DAB1: variants seen among roughly 807,000 people sequenced by gnomAD.
The protein encoded by DAB1 is DAB adaptor protein 1.
DAB1 carries 15 observed loss-of-function variants against 64.6 expected under a neutral mutation model. The ratio of observed to expected loss-of-function variants is 0.23; its 90% CI spans 0.16 to 0.36. The LOEUF (loss-of-function observed/expected upper bound fraction) is 0.36, where lower values mean the gene tolerates loss of function less well. Ranked by LOEUF, DAB1 falls within the 10% of genes least tolerant of loss-of-function variation. The probability of loss-of-function intolerance (pLI) is 1.00; values close to 1 mark genes in which losing one functional copy is unlikely to be tolerated. For missense variants in DAB1, 596 were observed against 706.7 expected (o/e 0.84, Z 1.78); for synonymous variants, 235 against 251.9 (o/e 0.93, Z 0.64).
chr1:57,043,283 A>T (rs938024056), intron 9 of DAB1, among the ~76,000 whole-genome samples: 2 of 152,160 alleles, frequency 1.3e-5, no homozygotes, highest in Non-Finnish European at 2.9e-5. Flanking sequence ...GATCTCCCCA[A>T]ACGTGTTCTT....
At chr1:57,175,520 A>T (rs1337773563) in intron 2 of DAB1, among the ~76,000 whole-genome samples, 2 of 152,128 alleles carry the variant, frequency 1.3e-5, no homozygotes, top group Admixed American at 6.6e-5. Context: ...AATTCAACCC[A>T]CTTCAAATAG....
intron 5 of DAB1, among the ~76,000 whole-genome samples, chr1:58,095,139 G>A (rs1435531164): frequency 2.0e-5 from 3 of 152,182 alleles, no homozygotes; most frequent in Admixed American, 6.5e-5. Flanking sequence ...GACATGGTCT[G>A]TTTTATTAAC....
chr1:57,932,542 C>T (rs1644968779), intron 5 of DAB1, among the ~76,000 whole-genome samples: 1 of 150,466 alleles, frequency 6.6e-6, no homozygotes. Context: ...GTATTAAAGG[C>T]TCCAATTACA....
chr1:58,091,120 G>C (rs1344074504), intron 5 of DAB1, among the ~76,000 whole-genome samples: 1 of 152,094 alleles, frequency 6.6e-6, no homozygotes, highest in Non-Finnish European at 1.5e-5. Flanking sequence ...AGCCCCCTCC[G>C]GCTCCCCTGC....
intron 7 of DAB1, among the ~76,000 whole-genome samples, chr1:57,507,032 C>T (rs1644351856): frequency 6.6e-6 from 1 of 152,194 alleles, no homozygotes; most frequent in African/African-American, 2.4e-5. Context: ...TGTCTTCCAT[C>T]CTTCCACTGG....
At chr1:57,188,636 T>G (rs1663831855) in intron 2 of DAB1, among the ~76,000 whole-genome samples, 1 of 108,038 alleles carries the variant, frequency 9.3e-6, no homozygotes, top group Non-Finnish European at 1.9e-5. Flanking sequence ...CCCAATGCTT[T>G]CCCAGCATAT....
chr1:57,129,538 A>G (rs1368516709), intron 4 of DAB1, among the ~76,000 whole-genome samples: 1 of 152,140 alleles, frequency 6.6e-6, no homozygotes, highest in Non-Finnish European at 1.5e-5. Context: ...AAGAAATGCA[A>G]AATTAAAAAA....
chr1:57,058,139 T>G (rs1389720147), intron 9 of DAB1, among the ~76,000 whole-genome samples: 1 of 152,146 alleles, frequency 6.6e-6, no homozygotes, highest in Non-Finnish European at 1.5e-5. Flanking sequence ...GGGGAGTGAA[T>G]GCAGGTGCGT....
intron 4 of DAB1, among the ~76,000 whole-genome samples, chr1:58,168,812 G>A (rs1656003969): frequency 6.6e-6 from 1 of 152,026 alleles, no homozygotes; most frequent in Admixed American, 6.6e-5. Context: ...TTCATTTTTG[G>A]GGCATAACAT....
chr1:58,200,500 C>A (rs1367362960), intron 4 of DAB1, among the ~76,000 whole-genome samples: 2 of 152,178 alleles, frequency 1.3e-5, no homozygotes, highest in Admixed American at 1.3e-4. Flanking sequence ...CAAGAATCTT[C>A]TTTACCTTAT....
chr1:57,296,089 G>A (rs2100682490), intron 1 of DAB1, among the ~76,000 whole-genome samples: 1 of 152,212 alleles, frequency 6.6e-6, no homozygotes, highest in South Asian at 2.1e-4. Flanking sequence ...AGTGTTATGA[G>A]CAAAGCAATT....
At chr1:58,543,953 G>A (rs939897862) in intron 1 of DAB1, among the ~76,000 whole-genome samples, 2 of 152,162 alleles carry the variant, frequency 1.3e-5, no homozygotes, top group African/African-American at 2.4e-5. Flanking sequence ...TTTTAACTCA[G>A]TTAAATGGCC....
chr1:57,926,655 A>G (rs574059495), intron 5 of DAB1, among the ~76,000 whole-genome samples: 1 of 152,358 alleles, frequency 6.6e-6, no homozygotes, highest in Admixed American at 6.5e-5. Context: ...ACAAGAATAC[A>G]GATACACTTT....
intron 1 of DAB1, among the ~76,000 whole-genome samples, chr1:57,858,961 C>A (rs1356804107): frequency 5.9e-5 from 9 of 151,976 alleles, no homozygotes; most frequent in Admixed American, 5.9e-4. Context: ...TTGGTCAGAA[C>A]CCTGTGCCCG....
At chr1:58,235,118 G>A (rs989826512) in intron 4 of DAB1, among the ~76,000 whole-genome samples, 5 of 152,208 alleles carry the variant, frequency 3.3e-5, no homozygotes, top group African/African-American at 1.2e-4. Context: ...GATGGGTGGA[G>A]AGTTAGGTAG....
chr1:57,497,587 T>G (rs1368462009), intron 7 of DAB1, among the ~76,000 whole-genome samples: 1 of 152,182 alleles, frequency 6.6e-6, no homozygotes, highest in Non-Finnish European at 1.5e-5. Flanking sequence ...AGTCTTGAGA[T>G]TCTGAGAAGA....
At chr1:58,132,167 G>A (rs531344192) in intron 5 of DAB1, among the ~76,000 whole-genome samples, 5 of 152,286 alleles carry the variant, frequency 3.3e-5, no homozygotes, top group East Asian at 3.9e-4. Context: ...GTGGTGCGCC[G>A]TTTTTTAAGC....
chr1:57,773,297 T>C (rs1201887354), intron 6 of DAB1, among the ~76,000 whole-genome samples: 1 of 151,856 alleles, frequency 6.6e-6, no homozygotes, highest in African/African-American at 2.4e-5. Flanking sequence ...TTCAAATATT[T>C]TGCCCATTTT....
intron 2 of DAB1, among the ~76,000 whole-genome samples, chr1:58,514,962 A>C (rs916066587): frequency 3.9e-5 from 6 of 152,160 alleles, no homozygotes; most frequent in Admixed American, 6.5e-5. Context: ...GAAGATCAAA[A>C]GAATAAATAC....
Sources: gnomAD v4.1 joint callset for allele counts (sites outside exome capture counted in the v4.1 genomes callset) on GRCh38, gnomAD v4.1.1 for gene constraint, MANE v1.5 for transcripts, NCBI Gene and HGNC (gene_info 2026-07-23, HGNC 2026-07-21) for gene names.